MCPH1: variants seen among roughly 807,000 people sequenced by gnomAD.
The protein encoded by MCPH1 is microcephalin 1.
Under a neutral mutation model 84.5 loss-of-function variants are expected in MCPH1, and 104 were observed. The observed-to-expected ratio is 1.23, with a 90% confidence interval of 1.05 to 1.45. The LOEUF (loss-of-function observed/expected upper bound fraction) is 1.45. MCPH1 is among the 40% of genes most tolerant of loss of function. The pLI, the probability that MCPH1 is intolerant of heterozygous loss-of-function variation, is 0.00. For missense variants in MCPH1, 1,498 were observed against 1,005.7 expected (o/e 1.49, Z -6.62); for synonymous variants, 514 against 366.8 (o/e 1.40, Z -4.58).
rs1586737883 is a variant in MCPH1, at chr8:6,593,233, G to A, written c.2215-28221G>A. ...CAAGTAGCTGGGATTACAGGCATGTGCTACCATGCCCGGCTAATTTTGTCT... is the reference window on the plus strand; with the variant it reads ...CAAGTAGCTGGGATTACAGGCATGTACTACCATGCCCGGCTAATTTTGTCT... On this transcript the variant is annotated intron_variant, in intron 12 of 13. Transcript: ENST00000344683. Among the ~76,000 whole-genome samples, 3 of 151,288 alleles carry A rather than the reference G, an allele frequency of 2.0e-5. No individual in the cohort carries two copies. The South Asian group carries it at 6.3e-4, about 32-fold the overall frequency.
chr8:6,461,218 T>C (rs1806245953), intron 9 of MCPH1, among the ~76,000 whole-genome samples: 1 of 152,150 alleles, frequency 6.6e-6, no homozygotes, highest in Admixed American at 6.5e-5. Flanking sequence ...TTTTTTTTGG[T>C]GTAATGCCCA....
At chr8:6,569,021 A>T (rs1826451215) in intron 12 of MCPH1, among the ~76,000 whole-genome samples, 1 of 152,218 alleles carries the variant, frequency 6.6e-6, no homozygotes, top group Non-Finnish European at 1.5e-5. Flanking sequence ...TGGCACACTA[A>T]GCTGGGAGGG....
intron 12 of MCPH1, among the ~76,000 whole-genome samples, chr8:6,515,929 AAG>A (rs1364864863): frequency 1.3e-5 from 2 of 152,180 alleles, no homozygotes; most frequent in African/African-American, 2.4e-5. Flanking sequence ...TACATGAGGA[AAG>A]AGGGGTGCAG....
chr8:6,636,566 A>C (rs1797571385), intron 13 of MCPH1, among the ~76,000 whole-genome samples: 2 of 152,074 alleles, frequency 1.3e-5, no homozygotes, highest in African/African-American at 4.8e-5. Flanking sequence ...TGCAGCCTCT[A>C]ACTCCTGGCC....
At chr8:6,642,940 T>G in intron 13 of MCPH1, 54 bp from the exon 14 acceptor site, 1 of 1,524,886 alleles carries the variant, frequency 6.6e-7, no homozygotes, top group Non-Finnish European at 9.1e-7. Flanking sequence ...GGTTATCACT[T>G]TCCTATGTGG....
At chr8:6,595,606 G>C (rs1294625946) in intron 12 of MCPH1, among the ~76,000 whole-genome samples, 1 of 152,190 alleles carries the variant, frequency 6.6e-6, no homozygotes, top group Non-Finnish European at 1.5e-5. Flanking sequence ...TGAGTGAAGA[G>C]TGCATGGTCC....
chr8:6,491,567 T>G (rs1810591494), intron 11 of MCPH1, among the ~76,000 whole-genome samples: 1 of 152,022 alleles, frequency 6.6e-6, no homozygotes. Context: ...GCTGGTGTGC[T>G]GCACTCATTA....
At chr8:6,536,147 T>C (rs1820446932) in intron 12 of MCPH1, among the ~76,000 whole-genome samples, 1 of 152,200 alleles carries the variant, frequency 6.6e-6, no homozygotes, top group Non-Finnish European at 1.5e-5. Context: ...AAATATATGA[T>C]GTGACAGTCA....
At chr8:6,430,158 C>T (rs978172479) in intron 3 of MCPH1, among the ~76,000 whole-genome samples, 2 of 152,306 alleles carry the variant, frequency 1.3e-5, no homozygotes, top group East Asian at 1.9e-4. Context: ...GAACCATACT[C>T]GTTATGCAAC....
intron 12 of MCPH1, among the ~76,000 whole-genome samples, chr8:6,601,378 C>A (rs150264573): frequency 2.6e-5 from 4 of 152,218 alleles, no homozygotes; most frequent in African/African-American, 9.6e-5. Context: ...CCTCCTCTTC[C>A]GTCCAGCCAC....
At chr8:6,426,710 G>A (rs1372482995) in intron 3 of MCPH1, among the ~76,000 whole-genome samples, 1 of 152,110 alleles carries the variant, frequency 6.6e-6, no homozygotes, top group Non-Finnish European at 1.5e-5. Context: ...GGTGGTTATG[G>A]CACTGTATAT....
intron 9 of MCPH1, among the ~76,000 whole-genome samples, chr8:6,465,574 T>C (rs979941788): frequency 2.6e-5 from 4 of 152,112 alleles, no homozygotes; most frequent in African/African-American, 9.7e-5. Flanking sequence ...TGGGAAGAAA[T>C]GCTCCCCGGG....
intron 12 of MCPH1, among the ~76,000 whole-genome samples, chr8:6,526,883 T>C (rs1451234112): frequency 6.6e-6 from 1 of 152,148 alleles, no homozygotes. Context: ...CCCCTACAAT[T>C]TTTTTTCTAT....
At chr8:6,532,343 C>T (rs779505127) in intron 12 of MCPH1, 11 of 1,614,136 alleles carry the variant, frequency 6.8e-6, no homozygotes, top group African/African-American at 1.3e-5. Flanking sequence ...TGGGCTTCCA[C>T]ATCAGTTAAC....
At chr8:6,570,060 A>G (rs1342647310) in intron 12 of MCPH1, among the ~76,000 whole-genome samples, 2 of 152,214 alleles carry the variant, frequency 1.3e-5, no homozygotes, top group African/African-American at 2.4e-5. Flanking sequence ...TATTGTCTAA[A>G]TGGATCAGTT....
chr8:6,634,101 C>T (rs1797362743), intron 13 of MCPH1, among the ~76,000 whole-genome samples: 1 of 152,066 alleles, frequency 6.6e-6, no homozygotes, highest in African/African-American at 2.4e-5. Flanking sequence ...CTACGTAAAG[C>T]TAAAAATGAA....
chr8:6,551,408 A>C (rs1200752916), intron 12 of MCPH1, among the ~76,000 whole-genome samples: 1 of 152,242 alleles, frequency 6.6e-6, no homozygotes, highest in Non-Finnish European at 1.5e-5. Context: ...ATATGTATTA[A>C]AAGTTGTCCA....
intron 9 of MCPH1, among the ~76,000 whole-genome samples, chr8:6,459,394 G>C (rs1180219254): frequency 6.6e-6 from 1 of 152,104 alleles, no homozygotes; most frequent in African/African-American, 2.4e-5. Context: ...TGCTGCCTCA[G>C]CCTCCCAGGT....
At chr8:6,542,314 C>CTGTG (rs373716411) in intron 12 of MCPH1, among the ~76,000 whole-genome samples, 2 of 150,680 alleles carry the variant, frequency 1.3e-5, no homozygotes, top group South Asian at 2.1e-4. Flanking sequence ...GTGTGTGTAT[C>CTGTG]TGTGTGTGTG....
Sources: gnomAD v4.1 joint callset for allele counts (sites outside exome capture counted in the v4.1 genomes callset) on GRCh38, gnomAD v4.1.1 for gene constraint, MANE v1.5 for transcripts, NCBI Gene and HGNC (gene_info 2026-07-23, HGNC 2026-07-21) for gene names.